SFXN2: variants seen among roughly 807,000 people sequenced by gnomAD.
SFXN2 encodes the protein sideroflexin-2.
A neutral mutation model predicts 41.9 loss-of-function variants in SFXN2; 37 were observed. The observed-to-expected ratio is 0.88, with a 90% CI of 0.68 to 1.16. SFXN2 has a LOEUF of 1.16. Among genes scored for constraint, SFXN2 ranks in the 50% most tolerant of loss-of-function variants. The pLI is 0.00. For synonymous variants in SFXN2, 150 were observed against 156.7 expected, an observed-to-expected ratio of 0.96 and a Z score of 0.32; for missense variants, 386 against 425.2, an observed-to-expected ratio of 0.91 and a Z score of 0.81.
rs73344470 is a variant in SFXN2, at chr10:102,726,914, A to G, written c.162-73A>G. 6.7e-3 allele frequency: 10,529 copies of G among 1,579,850 alleles called. 647 individuals are homozygous for G. In the African/African-American group the frequency reaches 0.12, roughly 18 times the overall value. Reference sequence around the variant, plus strand: ...AGAAATCTCAGGGCTGGGGGCTGGAAGAAGTGAGAGTGGGGAGACTGGGAG... The same window carrying G: ...AGAAATCTCAGGGCTGGGGGCTGGAGGAAGTGAGAGTGGGGAGACTGGGAG... On this transcript the variant is annotated intron_variant, in intron 2 of 11. Coordinates refer to ENST00000369893, the MANE Select transcript of SFXN2 (RefSeq NM_178858.6).
At chr10:102,732,091 T>C in intron 7 of SFXN2, 61 bp from the exon 8 acceptor site, 1 of 1,500,422 alleles carries the variant, frequency 6.7e-7, no homozygotes, top group South Asian at 1.2e-5. Flanking sequence ...CCCAGCCCCC[T>C]GGTGCAGCAC....
chr10:102,728,595 G>C, intron 4 of SFXN2, 66 bp downstream of exon 4: 1 of 1,411,302 alleles, frequency 7.1e-7, no homozygotes, highest in Non-Finnish European at 1.0e-6. Context: ...AAGGGTTCTG[G>C]GCTGTCAGTC....
At position 102,738,296 on chromosome 10, in the gene SFXN2, C is replaced by G. The variant is rs1176300095; in HGVS notation, c.*534C>G. On this transcript the variant is annotated 3_prime_UTR_variant, in exon 12 of 12. Coordinates refer to ENST00000369893, the MANE Select transcript of SFXN2 (RefSeq NM_178858.6). ...TCCTCGTTGCCCCCTGGTCAGGCAG[C>G]TTCTTTTTTTTTTTTTTCAAGATGG... 1.3e-5 allele frequency: 2 copies of G among 151,756 alleles called. No homozygotes were observed. The highest frequency in any genetic ancestry group is 2.9e-5 in the Non-Finnish European group (2 of 68,174). 9.4% of individuals were successfully genotyped at this position (151,756 alleles called of 1,614,324 possible).
Position 102,733,454 on chromosome 10 carries a change from G to A in SFXN2, c.772-100G>A, listed in dbSNP as rs1033812253. Reference sequence around the variant, plus strand: ...TGAGCCACTGCGCCCAGCCACCTGTGGGCTTTTCTAGCTGGCTGATCCATG... The same window carrying A: ...TGAGCCACTGCGCCCAGCCACCTGTAGGCTTTTCTAGCTGGCTGATCCATG... On this transcript the variant is annotated intron_variant, in intron 9 of 11. Transcript: ENST00000369893. 7.3e-6 allele frequency: 7 copies of A among 962,636 alleles called. No homozygotes were observed. The African/African-American group carries it at 8.1e-5, about 11-fold the overall frequency. 59.6% of individuals were successfully genotyped at this position (962,636 alleles called of 1,614,324 possible).
In SFXN2 at chr10:102,732,204, C is replaced by T. The variant is rs769459869; in HGVS notation, c.707C>T (p.Ser236Leu). The T allele has an allele frequency of 1.2e-6, 2 of 1,613,914 alleles. No individual in the cohort carries two copies. Among genetic ancestry groups the T allele is most frequent in the African/African-American group, 2.7e-5 (2 of 74,940 alleles). ...GTAGTTATTTCTCGGATCACCATGTCAGCTCCTGGGATGAGTAAGATGGGG... is the reference window on the plus strand; with the variant it reads ...GTAGTTATTTCTCGGATCACCATGTTAGCTCCTGGGATGAGTAAGATGGGG... ...TQVVISRITM[S>L]APGMILLPVI... The change falls in exon 8 of 12, where the codon TCA (serine) becomes TTA (leucine). Residue 236 changes from serine to leucine, a missense_variant. By Grantham distance (145) the Ser-to-Leu change is moderately radical. Transcript: ENST00000369893.
chr10:102,729,862 G>T, intron 6 of SFXN2, 54 bp downstream of exon 6: 3 of 1,596,888 alleles, frequency 1.9e-6, no homozygotes, highest in Middle Eastern at 1.8e-4. Flanking sequence ...CAGAAAAGGG[G>T]CAAGAAACCA....
chr10:102,719,759 G>A (rs1383510024), intron 1 of SFXN2, among the ~76,000 whole-genome samples: 1 of 152,172 alleles, frequency 6.6e-6, no homozygotes, highest in African/African-American at 2.4e-5. Context: ...GGTGACAGTC[G>A]TGAGCAAAAT....
intron 6 of SFXN2, 108 bp downstream of exon 6, chr10:102,729,916 G>A (rs1451237139): frequency 1.6e-6 from 2 of 1,216,258 alleles, no homozygotes; most frequent in South Asian, 1.3e-5. Context: ...CATGGGGAGG[G>A]CTGCTGGGCT....
At chr10:102,720,394 G>C (rs933933687) in intron 1 of SFXN2, among the ~76,000 whole-genome samples, 1 of 150,784 alleles carries the variant, frequency 6.6e-6, no homozygotes, top group Non-Finnish European at 1.5e-5. Flanking sequence ...TAGATCCCTT[G>C]AGCTCAGGAG....
chr10:102,729,457 G>A lies in SFXN2; in HGVS notation c.507+63G>A, dbSNP rs1367525010. On this transcript the variant is annotated intron_variant, in intron 5 of 11. Coordinates refer to ENST00000369893, the MANE Select transcript of SFXN2 (RefSeq NM_178858.6). Reference sequence around the variant, plus strand: ...GGGGCAGCAGAGTCCTAGGGAAAACGTCCTTCCCCCAGGGACAGTTCCCCA... The same window carrying A: ...GGGGCAGCAGAGTCCTAGGGAAAACATCCTTCCCCCAGGGACAGTTCCCCA... 10 of 1,573,068 alleles carry A rather than the reference G, an allele frequency of 6.4e-6. No homozygotes were observed. In the East Asian group the frequency reaches 6.8e-5, roughly 11 times the overall value.
At chr10:102,729,643 T>C in intron 5 of SFXN2, 80 bp from the exon 6 acceptor site, 5 of 1,444,130 alleles carry the variant, frequency 3.5e-6, no homozygotes, top group Non-Finnish European at 4.8e-6. Flanking sequence ...TTTTCTTTTT[T>C]GTATTCTAGT....
In SFXN2 at chr10:102,738,138, T is replaced by C. The variant is rs547526372; in HGVS notation, c.*376T>C. ...ACCTTGGATCAAAAGGAAGCTTCTA[T>C]ACCTCTTTCTTCTTCGCTTCCTCCT... On this transcript the variant is annotated 3_prime_UTR_variant, in exon 12 of 12. Coordinates refer to ENST00000369893, the MANE Select transcript of SFXN2 (RefSeq NM_178858.6). 6.4e-6 allele frequency: 1 copy of C among 155,844 alleles called. No homozygotes were observed. Among genetic ancestry groups the C allele is most frequent in the South Asian group, 2.0e-4 (1 of 4,922 alleles). The allele number at this position is 155,844 out of a possible 1,614,324, so 9.7% of individuals were successfully genotyped here. A position where few individuals can be genotyped will look rare whatever the true frequency, so the allele number is the denominator to read the frequency against.
At chr10:102,730,634 T>C (rs2064688450) in intron 6 of SFXN2, among the ~76,000 whole-genome samples, 1 of 152,218 alleles carries the variant, frequency 6.6e-6, no homozygotes, top group Non-Finnish European at 1.5e-5. Context: ...AGTTGAGTGC[T>C]GTCAAGAACT....
chr10:102,731,080 T>TC (rs2064695929), intron 6 of SFXN2, among the ~76,000 whole-genome samples: 1 of 149,500 alleles, frequency 6.7e-6, no homozygotes, highest in Non-Finnish European at 1.5e-5. Context: ...AGAGTGAGAC[T>TC]CCATCACAAA....
chr10:102,716,050 T>TA (rs1843081555), intron 1 of SFXN2, among the ~76,000 whole-genome samples: 1 of 151,978 alleles, frequency 6.6e-6, no homozygotes, highest in Non-Finnish European at 1.5e-5. Flanking sequence ...ATGGAGGTGA[T>TA]ACAGGAGCAC....
At chr10:102,728,353 T>C (rs1564743249) in intron 3 of SFXN2, 78 bp from the exon 4 acceptor site, 12 of 1,107,228 alleles carry the variant, frequency 1.1e-5, no homozygotes, top group Admixed American at 1.7e-5. Flanking sequence ...CTGCAGATCA[T>C]GTGCTTTGAC....
chr10:102,735,818 G>T, intron 10 of SFXN2, 44 bp from the exon 11 acceptor site: 2 of 1,606,368 alleles, frequency 1.2e-6, no homozygotes, highest in Non-Finnish European at 1.7e-6. Flanking sequence ...GGACGGGCCT[G>T]TGGGGAGATG....
At chr10:102,736,461 C>T (rs1207078261) in intron 11 of SFXN2, among the ~76,000 whole-genome samples, 4 of 145,280 alleles carry the variant, frequency 2.8e-5, no homozygotes, top group Admixed American at 7.0e-5. Context: ...TTCACTCCGT[C>T]GCCAGGCTGG....
chr10:102,720,310 A>C (rs868038677), intron 1 of SFXN2, among the ~76,000 whole-genome samples: 11 of 150,554 alleles, frequency 7.3e-5, no homozygotes, highest in Admixed American at 2.6e-4. Context: ...AAAAAAAAAA[A>C]AAAAAAACCC....
Sources: gnomAD v4.1 joint callset for allele counts (sites outside exome capture counted in the v4.1 genomes callset) on GRCh38, gnomAD v4.1.1 for gene constraint, MANE v1.5 for transcripts, NCBI Gene and HGNC (gene_info 2026-07-23, HGNC 2026-07-21) for gene names.